The following DSCAM variants were observed in gnomAD, a reference collection of about 807,000 sequenced individuals.
DSCAM encodes the protein cell adhesion molecule DSCAM.
Under a neutral mutation model 217.7 loss-of-function variants are expected in DSCAM, and 47 were observed. The ratio of observed to expected loss-of-function variants is 0.22; its 90% CI spans 0.17 to 0.28. The LOEUF (loss-of-function observed/expected upper bound fraction) is 0.28, where lower values mean the gene tolerates loss of function less well. Among genes scored for constraint, DSCAM ranks in the 10% least tolerant of loss-of-function variants. The probability of loss-of-function intolerance (pLI) is 1.00; values close to 1 mark genes in which losing one functional copy is unlikely to be tolerated. For synonymous variants in DSCAM, 1,056 were observed against 1,015.3 expected (o/e 1.04, Z -0.76); for missense variants, 2,080 against 2,618.3 (o/e 0.79, Z 4.49).
intron 20 of DSCAM, 34 bp downstream of exon 20, chr21:40,124,161 C>T (rs144711660): frequency 2.0e-5 from 32 of 1,612,748 alleles, no homozygotes; most frequent in South Asian, 8.8e-5. Context: ...CCCTGGCAGA[C>T]GCTTGAAAGG....
intron 1 of DSCAM, among the ~76,000 whole-genome samples, chr21:40,827,381 A>G (rs933673661): frequency 2.0e-5 from 3 of 151,096 alleles, no homozygotes; most frequent in Non-Finnish European, 4.4e-5. Flanking sequence ...AGGTGGGAGG[A>G]TCACTCGAGC....
chr21:40,365,349 T>C (rs1199594691), intron 4 of DSCAM, among the ~76,000 whole-genome samples: 1 of 152,192 alleles, frequency 6.6e-6, no homozygotes, highest in Non-Finnish European at 1.5e-5. Context: ...GGATGCTTCC[T>C]GCCCTTGAGC....
At chr21:40,314,437 G>A (rs2074174190) in intron 8 of DSCAM, among the ~76,000 whole-genome samples, 1 of 152,166 alleles carries the variant, frequency 6.6e-6, no homozygotes, top group Non-Finnish European at 1.5e-5. Context: ...AGAGATAAAG[G>A]TCTCAGGATG....
chr21:40,286,284 G>C (rs903376992), intron 10 of DSCAM, among the ~76,000 whole-genome samples: 3 of 152,204 alleles, frequency 2.0e-5, no homozygotes, highest in African/African-American at 7.2e-5. Flanking sequence ...ATGCAAAAGA[G>C]ACACTTGTCT....
intron 3 of DSCAM, among the ~76,000 whole-genome samples, chr21:40,442,756 C>T (rs751360071): frequency 2.0e-4 from 31 of 152,110 alleles, no homozygotes; most frequent in Non-Finnish European, 4.1e-4. Context: ...ATGATCTGCC[C>T]GCCTCGGCCT....
Position 40,387,030 on chromosome 21 carries a change from T to C in DSCAM, c.509-17785A>G, listed in dbSNP as rs114670530. Among the ~76,000 whole-genome samples the C allele has an allele frequency of 4.2e-3, 646 of 152,234 alleles. 5 individuals are homozygous for C. Among genetic ancestry groups the C allele is most frequent in the African/African-American group, 0.015 (626 of 41,550 alleles). The stretch of plus-strand genomic sequence containing the variant: ...TGAATCAGCAGTGAGTTGTAGCAAC[T>C]TCCATTTCTGACTATGTAAAAAACT... On this transcript the variant is annotated intron_variant, in intron 3 of 32. Transcript: ENST00000400454.
intron 1 of DSCAM, among the ~76,000 whole-genome samples, chr21:40,764,746 T>C (rs2091370333): frequency 1.3e-5 from 2 of 152,076 alleles, no homozygotes; most frequent in African/African-American, 4.8e-5. Flanking sequence ...ATGGCACATA[T>C]ACACCATGGA....
chr21:40,628,316 C>T (rs977000670), intron 3 of DSCAM, among the ~76,000 whole-genome samples: 13 of 152,182 alleles, frequency 8.5e-5, no homozygotes, highest in Admixed American at 4.6e-4. Context: ...GATGAGAGAA[C>T]TTTGACAAAT....
rs80195048 is a variant in DSCAM, at chr21:40,378,554, A to C, written c.509-9309T>G. Among the ~76,000 whole-genome samples, 4 of 75,712 alleles carry C rather than the reference A, an allele frequency of 5.3e-5. No homozygotes were observed. In the East Asian group the frequency reaches 1.2e-3, roughly 23 times the overall value. The allele number at this position is 75,712 out of a possible 152,430, so 49.7% of individuals were successfully genotyped here. ...ATGCATAATTTAACAATGAAAACTT[A>C]TTTTTTTTTTTTTTTTTTTTTTTTT... is the stretch of plus-strand genomic sequence containing the variant. On this transcript the variant is annotated intron_variant, in intron 3 of 32. Coordinates refer to ENST00000400454, the MANE Select transcript of DSCAM (RefSeq NM_001389.5).
chr21:40,170,202 C>T (rs1010257126), intron 15 of DSCAM, among the ~76,000 whole-genome samples: 10 of 152,182 alleles, frequency 6.6e-5, no homozygotes, highest in Admixed American at 1.3e-4. Flanking sequence ...CAGGGTTTGC[C>T]GCCCATGCCT....
At chr21:40,726,168 TAAG>T (rs2090953968) in intron 1 of DSCAM, among the ~76,000 whole-genome samples, 1 of 152,166 alleles carries the variant, frequency 6.6e-6, no homozygotes, top group African/African-American at 2.4e-5. Flanking sequence ...CTGAATGTAT[TAAG>T]AAGAGTGTTT....
At chr21:40,305,939 C>T (rs969340541) in intron 9 of DSCAM, among the ~76,000 whole-genome samples, 14 of 152,174 alleles carry the variant, frequency 9.2e-5, no homozygotes, top group African/African-American at 3.1e-4. Context: ...TTTTTTTGTG[C>T]CACATGAACT....
intron 1 of DSCAM, among the ~76,000 whole-genome samples, chr21:40,791,706 G>A (rs900208734): frequency 3.3e-5 from 5 of 152,136 alleles, no homozygotes; most frequent in Non-Finnish European, 7.4e-5. Context: ...AGTTCTTGGA[G>A]TCGAGACACA....
At chr21:40,288,961 T>C (rs2073859676) in intron 10 of DSCAM, among the ~76,000 whole-genome samples, 2 of 152,214 alleles carry the variant, frequency 1.3e-5, no homozygotes, top group African/African-American at 2.4e-5. Flanking sequence ...TAACTGATGA[T>C]TTCTACTCCT....
At chr21:40,239,054 G>A (rs1050111636) in intron 11 of DSCAM, among the ~76,000 whole-genome samples, 1 of 152,152 alleles carries the variant, frequency 6.6e-6, no homozygotes, top group African/African-American at 2.4e-5. Flanking sequence ...ATGGAGAACA[G>A]TTATGTGTCC....
chr21:40,685,762 GA>G (rs2090466093), intron 3 of DSCAM, among the ~76,000 whole-genome samples: 1 of 152,162 alleles, frequency 6.6e-6, no homozygotes, highest in Admixed American at 6.5e-5. Context: ...GGGGACCTTT[GA>G]CATGGGCATG....
rs1443011804 is a variant in DSCAM, at chr21:40,772,120, TTC to T, written c.44-63351_44-63350del. ...TATTGTGTCAACACATACTTCTAGC[TTC>T]TGTTTTTAAATGTTTTGCTAGTAAT... On this transcript the variant is annotated intron_variant, in intron 1 of 32. Coordinates refer to ENST00000400454, the MANE Select transcript of DSCAM (RefSeq NM_001389.5). 9.8e-5 allele frequency among the ~76,000 whole-genome samples: 15 copies of T among 152,352 alleles called. No individual in the cohort carries two copies. The East Asian group carries it at 2.9e-3, about 29-fold the overall frequency.
intron 14 of DSCAM, among the ~76,000 whole-genome samples, chr21:40,186,092 T>C (rs1341800542): frequency 6.6e-6 from 1 of 152,202 alleles, no homozygotes; most frequent in African/African-American, 2.4e-5. Flanking sequence ...TTTTGATCCA[T>C]ATCTTCTCAA....
At chr21:40,286,522 G>A (rs1041240365) in intron 10 of DSCAM, among the ~76,000 whole-genome samples, 3 of 152,294 alleles carry the variant, frequency 2.0e-5, no homozygotes, top group Non-Finnish European at 4.4e-5. Context: ...CCCTATGAAC[G>A]TGCTCCCTAT....
Sources: allele counts gnomAD v4.1 joint callset (sites outside exome capture counted in the v4.1 genomes callset), GRCh38; gene constraint gnomAD v4.1.1; transcripts MANE v1.5; gene names NCBI Gene and HGNC (gene_info 2026-07-23, HGNC 2026-07-21).